SHANK2: variants seen among roughly 807,000 people sequenced by gnomAD.
SHANK2 encodes SH3 and multiple ankyrin repeat domains 2, also known as SH3 and multiple ankyrin repeat domains protein 2.
A neutral mutation model predicts 133.7 loss-of-function variants in SHANK2; 43 were observed. The observed-to-expected ratio is 0.32, with a 90% CI of 0.25 to 0.41. SHANK2 has a LOEUF of 0.41. Ranked by LOEUF, SHANK2 falls within the 10% of genes least tolerant of loss-of-function variation. SHANK2 has a pLI of 1.00. For synonymous variants in SHANK2, 1,017 were observed against 952.8 expected, an observed-to-expected ratio of 1.07 and a Z score of -1.24; for missense variants, 1,994 against 2,235.8, an observed-to-expected ratio of 0.89 and a Z score of 2.18.
intron 15 of SHANK2, among the ~76,000 whole-genome samples, chr11:70,675,396 G>A (rs537450203): frequency 3.9e-5 from 6 of 152,140 alleles, no homozygotes; most frequent in Admixed American, 3.3e-4. Flanking sequence ...CACTTTACAG[G>A]GGAGCAAATA....
intron 13 of SHANK2, among the ~76,000 whole-genome samples, chr11:70,805,078 AGCCCCAGG>A (rs1948131028): frequency 6.6e-6 from 1 of 152,170 alleles, no homozygotes; most frequent in Non-Finnish European, 1.5e-5. Flanking sequence ...ACAGATGCCC[AGCCCCAGG>A]CTCTAGGTTC....
intron 10 of SHANK2, among the ~76,000 whole-genome samples, chr11:70,928,637 T>C (rs1458709297): frequency 1.3e-5 from 2 of 151,514 alleles, no homozygotes; most frequent in Non-Finnish European, 2.9e-5. Flanking sequence ...GGTGGGGGCA[T>C]AGGAGGTGGT....
At chr11:70,619,791 G>A (rs782800253) in intron 17 of SHANK2, among the ~76,000 whole-genome samples, 7 of 152,094 alleles carry the variant, frequency 4.6e-5, no homozygotes, top group Non-Finnish European at 1.0e-4. Flanking sequence ...AGTCAGTGCC[G>A]GCTCACAGGG....
At chr11:70,675,844 C>A (rs1944896308) in intron 15 of SHANK2, among the ~76,000 whole-genome samples, 1 of 152,146 alleles carries the variant, frequency 6.6e-6, no homozygotes, top group Non-Finnish European at 1.5e-5. Flanking sequence ...CAAAGCAAGG[C>A]CCCACACCTA....
chr11:70,611,643 T>C (rs1240181815), intron 17 of SHANK2, among the ~76,000 whole-genome samples: 16 of 152,196 alleles, frequency 1.1e-4, no homozygotes, highest in African/African-American at 3.9e-4. Context: ...ATTCAAACCA[T>C]GATTTCAAAA....
intron 11 of SHANK2, among the ~76,000 whole-genome samples, chr11:70,859,542 G>A (rs528584926): frequency 2.0e-5 from 3 of 152,238 alleles, no homozygotes; most frequent in African/African-American, 7.2e-5. Context: ...ATGAATGGGT[G>A]ATAGGTAGAT....
chr11:71,072,149 C>T (rs1951150980), intron 9 of SHANK2, among the ~76,000 whole-genome samples: 1 of 152,020 alleles, frequency 6.6e-6, no homozygotes, highest in Admixed American at 6.6e-5. Flanking sequence ...GAGAAACAGC[C>T]CCCTGTCCTC....
chr11:70,769,947 G>A (rs533493221), intron 14 of SHANK2, among the ~76,000 whole-genome samples: 6 of 152,210 alleles, frequency 3.9e-5, no homozygotes, highest in Admixed American at 3.9e-4. Flanking sequence ...GCTGAAGGGG[G>A]TGGGCATCCA....
intron 17 of SHANK2, among the ~76,000 whole-genome samples, chr11:70,508,383 G>A (rs971032842): frequency 1.3e-5 from 2 of 152,212 alleles, no homozygotes; most frequent in Non-Finnish European, 2.9e-5. Flanking sequence ...GTCCTGGGGC[G>A]GGGCAGAGTC....
chr11:70,561,508 C>T (rs1038402928), intron 17 of SHANK2, among the ~76,000 whole-genome samples: 6 of 151,762 alleles, frequency 4.0e-5, no homozygotes, highest in African/African-American at 1.5e-4. Flanking sequence ...TTGCTGTGAG[C>T]TTAATCACTT....
intron 1 of SHANK2, among the ~76,000 whole-genome samples, chr11:71,233,519 T>C (rs1464235136): frequency 2.0e-5 from 3 of 152,034 alleles, no homozygotes; most frequent in Admixed American, 6.6e-5. Flanking sequence ...GCGTCTTTAT[T>C]GGGGGAATAA....
chr11:71,141,756 C>G lies in SHANK2; in HGVS notation c.207+5364G>C, dbSNP rs1246543633. ...CCACTCTCCCAGCCCTGGGCCTGCT[C>G]CTCTCCAAAGGCAAACAGATGGCCA... On this transcript the variant is annotated intron_variant, in intron 3 of 25. Coordinates refer to ENST00000601538, the MANE Select transcript of SHANK2 (RefSeq NM_012309.5). Among the ~76,000 whole-genome samples the G allele has an allele frequency of 3.9e-5, 6 of 152,098 alleles. No individual in the cohort carries two copies. The South Asian group carries it at 1.2e-3, about 32-fold the overall frequency.
intron 5 of SHANK2, among the ~76,000 whole-genome samples, chr11:71,111,922 G>A (rs2135229632): frequency 6.6e-6 from 1 of 152,352 alleles, no homozygotes; most frequent in Middle Eastern, 3.4e-3. Context: ...CAGGGCAGAG[G>A]CAGGGGAAGT....
At chr11:71,127,251 T>C (rs1178463183) in intron 3 of SHANK2, among the ~76,000 whole-genome samples, 60 of 152,190 alleles carry the variant, frequency 3.9e-4, no homozygotes, top group African/African-American at 1.3e-3. Flanking sequence ...GAGGAAGTGG[T>C]TTCCCGAGAT....
chr11:70,946,800 C>A (rs1426019498), intron 10 of SHANK2, among the ~76,000 whole-genome samples: 2 of 143,188 alleles, frequency 1.4e-5, no homozygotes, highest in African/African-American at 5.3e-5. Context: ...ACTAACCAAC[C>A]CTTCCCAGAC....
intron 17 of SHANK2, among the ~76,000 whole-genome samples, chr11:70,550,678 A>G (rs948197): frequency 0.97 from 147,427 of 152,240 alleles, 71,572 homozygotes; most frequent in East Asian, 1. Context: ...TCCCACGTGA[A>G]GGAGAACCCT....
At chr11:70,817,404 G>T (rs1948421923) in intron 12 of SHANK2, among the ~76,000 whole-genome samples, 1 of 152,208 alleles carries the variant, frequency 6.6e-6, no homozygotes, top group Admixed American at 6.5e-5. Flanking sequence ...ATGGAACAAG[G>T]CCAAGAAAGA....
chr11:70,902,633 G>A (rs553523180), intron 10 of SHANK2, among the ~76,000 whole-genome samples: 15 of 152,260 alleles, frequency 9.9e-5, no homozygotes, highest in African/African-American at 3.6e-4. Flanking sequence ...GATGGCTGAA[G>A]TTTTGTGTGA....
intron 17 of SHANK2, among the ~76,000 whole-genome samples, chr11:70,651,295 A>G (rs1261244487): frequency 6.6e-6 from 1 of 152,210 alleles, no homozygotes; most frequent in Non-Finnish European, 1.5e-5. Context: ...TGAACGAGCC[A>G]AGACTTCAGA....
Sources: allele counts gnomAD v4.1 joint callset (sites outside exome capture counted in the v4.1 genomes callset), GRCh38; gene constraint gnomAD v4.1.1; transcripts MANE v1.5; gene names NCBI Gene and HGNC (gene_info 2026-07-23, HGNC 2026-07-21).